Variants in APC observed in about 807,000 individuals in gnomAD.
The protein encoded by APC is adenomatous polyposis coli protein.
A neutral mutation model predicts 247.0 loss-of-function variants in APC; 72 were observed. The ratio of observed to expected loss-of-function variants is 0.29; its 90% CI spans 0.24 to 0.35. The LOEUF (loss-of-function observed/expected upper bound fraction) is 0.35, where lower values mean the gene tolerates loss of function less well. Among genes scored for constraint, APC ranks in the 10% least tolerant of loss-of-function variants. The pLI is 1.00. For missense variants in APC, 3,400 were observed against 3,360.7 expected, an observed-to-expected ratio of 1.01 and a Z score of -0.29; for synonymous variants, 1,254 against 1,162.5, an observed-to-expected ratio of 1.08 and a Z score of -1.60.
chr5:112,824,085 T>C (rs1308827582), intron 11 of APC, among the ~76,000 whole-genome samples: 1 of 152,250 alleles, frequency 6.6e-6, no homozygotes, highest in Non-Finnish European at 1.5e-5. Flanking sequence ...CTTTCTTTTG[T>C]TCATAAGAGT....
In APC at chr5:112,838,167, T is replaced by A. The variant is rs1765215022; in HGVS notation, c.2573T>A (p.Ile858Asn). ...AGAAGTTTGGAGAGAGAACGCGGAA[T>A]TGGTCTAGGCAACTACCATCCAGCA... ...KDRSLERERG[I>N]GLGNYHPATE... Residue 858 changes from isoleucine to asparagine, a missense_variant, in exon 16 of 16, where the codon ATT becomes AAT. By Grantham distance (149) the Ile-to-Asn change is moderately radical. Coordinates refer to ENST00000257430, the MANE Select transcript of APC (RefSeq NM_000038.6). The A allele has an allele frequency of 6.2e-7, 1 of 1,614,148 alleles. No individual in the cohort carries two copies. Among genetic ancestry groups the A allele is most frequent in the South Asian group, 1.1e-5 (1 of 91,074 alleles).
chr5:112,818,110 C>T (rs912496638), intron 9 of APC, among the ~76,000 whole-genome samples: 3 of 152,220 alleles, frequency 2.0e-5, no homozygotes, highest in Non-Finnish European at 2.9e-5. Context: ...AAAAATGTCT[C>T]CAAGATGTTG....
At chr5:112,735,179 A>G (rs1328690680), upstream of APC, among the ~76,000 whole-genome samples, 1 of 151,838 alleles carries the variant, frequency 6.6e-6, no homozygotes, top group Non-Finnish European at 1.5e-5. Context: ...TTTGATCAGA[A>G]AAAATATATA....
intron 7 of APC, among the ~76,000 whole-genome samples, chr5:112,797,246 A>C (rs1299339845): frequency 6.6e-6 from 1 of 151,968 alleles, no homozygotes; most frequent in African/African-American, 2.4e-5. Flanking sequence ...CATTTAAGAA[A>C]GAACAAAACC....
chr5:112,825,649 C>G (rs546795202), intron 11 of APC, among the ~76,000 whole-genome samples: 1 of 152,124 alleles, frequency 6.6e-6, no homozygotes, highest in African/African-American at 2.4e-5. Context: ...CCTAGGAGTT[C>G]GCAACCAGCT....
chr5:112,734,667 T>A (rs1489498585), upstream of APC, among the ~76,000 whole-genome samples: 1 of 152,196 alleles, frequency 6.6e-6, no homozygotes, highest in East Asian at 1.9e-4. Flanking sequence ...TAATTTTAAT[T>A]CATTTTACAC....
At chr5:112,714,815 C>T (rs1751064879) in intron 1 of APC, among the ~76,000 whole-genome samples, 2 of 152,148 alleles carry the variant, frequency 1.3e-5, no homozygotes, top group Non-Finnish European at 2.9e-5. Context: ...CTGTCCCATG[C>T]ATTACTCTAC....
chr5:112,811,327 C>A (rs1761962024), intron 8 of APC, among the ~76,000 whole-genome samples: 1 of 152,172 alleles, frequency 6.6e-6, no homozygotes, highest in South Asian at 2.1e-4. Flanking sequence ...GTTCATCACA[C>A]TCAAGTTTAT....
Position 112,812,130 on chromosome 5 carries a change from T to C in APC, c.835-3365T>C, listed in dbSNP as rs115283327. 3.3e-3 allele frequency among the ~76,000 whole-genome samples: 509 copies of C among 152,274 alleles called. 4 individuals carry two copies. The highest frequency in any genetic ancestry group is 0.012 in the African/African-American group (488 of 41,534). ...TGTAACCTTATCTTGAGAGTGCTTC[T>C]CATCACCTCTATAGCATTTTATTCA... On this transcript the variant is annotated intron_variant, in intron 8 of 15. Transcript: ENST00000257430.
intron 2 of APC, among the ~76,000 whole-genome samples, chr5:112,761,136 T>TG (rs1755619871): frequency 6.6e-6 from 1 of 152,158 alleles, no homozygotes; most frequent in South Asian, 2.1e-4. Context: ...AGTTGCTAAT[T>TG]GGATTGAGGA....
chr5:112,743,165 ATC>A (rs1361103242), intron 1 of APC, among the ~76,000 whole-genome samples: 1 of 152,070 alleles, frequency 6.6e-6, no homozygotes, highest in Non-Finnish European at 1.5e-5. Context: ...AGCATTCTAA[ATC>A]TCTCTCTGAA....
upstream of APC, among the ~76,000 whole-genome samples, chr5:112,737,229 C>A (rs1472671110): frequency 6.6e-6 from 1 of 152,106 alleles, no homozygotes; most frequent in African/African-American, 2.4e-5. Flanking sequence ...CTTCTGTTCC[C>A]GTTTTATACA....
intron 14 of APC, 52 bp from the exon 15 acceptor site, chr5:112,834,899 G>C (rs2149840258): frequency 6.7e-7 from 1 of 1,495,622 alleles, no homozygotes; most frequent in South Asian, 1.1e-5. Context: ...AGAAGTTAAT[G>C]AGAGACAAAT....
intron 1 of APC, among the ~76,000 whole-genome samples, chr5:112,709,073 A>G (rs369942787): frequency 6.6e-6 from 1 of 152,214 alleles, no homozygotes; most frequent in South Asian, 2.1e-4. Flanking sequence ...TATAAATGAT[A>G]GCTTGCCCTT....
At position 112,841,123 on chromosome 5, in the gene APC, T is replaced by A. The variant is rs1060504894; in HGVS notation, c.5529T>A (p.Pro1843=). ...GAGGAAGTTTTGCTTTTGATTCACC[T>A]CATCATTACACGCCTATTGAAGGAA... The part of the protein sequence containing the change: ...RVRGSFAFDS[P]HHYTPIEGTP... The change falls in exon 16 of 16, where the codon CCT becomes CCA. Residue 1843 remains proline, a synonymous_variant. Transcript: ENST00000257430. This position sits in a 1 kb window ranked among gnomAD's most constrained non-coding sequence, Gnocchi z 4.6. 5.0e-6 allele frequency: 8 copies of A among 1,612,778 alleles called. No individual in the cohort carries two copies. Among genetic ancestry groups the A allele is most frequent in the Non-Finnish European group, 6.8e-6 (8 of 1,178,900 alleles).
intron 1 of APC, among the ~76,000 whole-genome samples, chr5:112,742,469 G>A (rs1753150294): frequency 6.6e-6 from 1 of 152,188 alleles, no homozygotes; most frequent in Non-Finnish European, 1.5e-5. Context: ...GACTGAGGCA[G>A]GATCTCTTAT....
intron 1 of APC, among the ~76,000 whole-genome samples, chr5:112,746,567 TA>T (rs1029003249): frequency 2.0e-5 from 3 of 152,164 alleles, no homozygotes; most frequent in Non-Finnish European, 2.9e-5. Flanking sequence ...AAAAATCTTA[TA>T]ACTGACTGCA....
rs869025248 is a variant in APC, at chr5:112,837,752, A to G, written c.2158A>G (p.Met720Val). Residue 720 changes from methionine to valine, a missense_variant, in exon 16 of 16, where the codon ATG (methionine) becomes GTG (valine). Transcript: ENST00000257430. ...LIHSKHKMIA[M>V]GSAAALRNLM... ...TCATTCAAAGCACAAAATGATTGCT[A>G]TGGGAAGTGCTGCAGCTTTAAGGAA... 2 of 1,614,094 alleles carry G rather than the reference A, an allele frequency of 1.2e-6. No individual in the cohort carries two copies. The highest frequency in any genetic ancestry group is 1.1e-5 in the South Asian group (1 of 91,084).
intron 7 of APC, among the ~76,000 whole-genome samples, chr5:112,797,242 A>C (rs917273298): frequency 3.9e-5 from 6 of 152,028 alleles, no homozygotes; most frequent in African/African-American, 1.2e-4. Flanking sequence ...TTCACATTTA[A>C]GAAAGAACAA....
Sources: allele counts gnomAD v4.1 joint callset (sites outside exome capture counted in the v4.1 genomes callset), GRCh38; gene constraint gnomAD v4.1.1; non-coding constraint Gnocchi (gnomAD v3.1); transcripts MANE v1.5; gene names NCBI Gene and HGNC (gene_info 2026-07-23, HGNC 2026-07-21).